Variants in ICA1 observed in about 807,000 individuals in gnomAD.
The protein encoded by ICA1 is islet cell autoantigen 1.
ICA1 carries 40 observed loss-of-function variants against 71.0 expected under a neutral mutation model. That is an observed-to-expected ratio of 0.56 (90% CI 0.44 to 0.73). The LOEUF (loss-of-function observed/expected upper bound fraction) is 0.73. ICA1 is among the 30% of genes least tolerant of loss of function. The pLI, the probability that ICA1 is intolerant of heterozygous loss-of-function variation, is 0.00. For missense variants in ICA1, 578 were observed against 576.5 expected (o/e 1.00, Z -0.03); for synonymous variants, 207 against 209.5 (o/e 0.99, Z 0.10).
At chr7:8,197,342 C>A (rs1787995255) in intron 6 of ICA1, among the ~76,000 whole-genome samples, 1 of 151,368 alleles carries the variant, frequency 6.6e-6, no homozygotes, top group Non-Finnish European at 1.5e-5. Context: ...ATCACAAGGT[C>A]AGGACTTCAA....
chr7:8,165,810 A>C (rs1184357319), intron 6 of ICA1, among the ~76,000 whole-genome samples: 1 of 152,230 alleles, frequency 6.6e-6, no homozygotes, highest in Non-Finnish European at 1.5e-5. Context: ...GAATACAGCT[A>C]TCCAGGAAGG....
chr7:8,143,812 C>T (rs1796006692), intron 9 of ICA1, 63 bp downstream of exon 9: 14 of 1,076,938 alleles, frequency 1.3e-5, no homozygotes, highest in East Asian at 2.4e-5. Flanking sequence ...GTTCGGTCAG[C>T]GAGAACCACA....
intron 6 of ICA1, among the ~76,000 whole-genome samples, chr7:8,172,686 A>T (rs1351504360): frequency 6.6e-6 from 1 of 152,240 alleles, no homozygotes; most frequent in East Asian, 1.9e-4. Context: ...TAAACCATCT[A>T]GAAGTGATCA....
At chr7:8,126,931 G>A (rs1207593391) in intron 13 of ICA1, among the ~76,000 whole-genome samples, 1 of 151,788 alleles carries the variant, frequency 6.6e-6, no homozygotes, top group Non-Finnish European at 1.5e-5. Context: ...GCCAGCACTT[G>A]GTTGGTGTAC....
intron 6 of ICA1, among the ~76,000 whole-genome samples, chr7:8,174,866 G>A (rs943378705): frequency 6.6e-6 from 1 of 151,858 alleles, no homozygotes; most frequent in East Asian, 1.9e-4. Context: ...TTCTACCATT[G>A]CGCTGAAGAG....
At chr7:8,242,250 G>C (rs1484204224) in intron 1 of ICA1, among the ~76,000 whole-genome samples, 2 of 152,116 alleles carry the variant, frequency 1.3e-5, no homozygotes, top group African/African-American at 2.4e-5. Context: ...TAGAATTCAG[G>C]ATTAAGAAAC....
At chr7:8,260,569 C>T (rs1456845716) in intron 1 of ICA1, among the ~76,000 whole-genome samples, 4 of 151,994 alleles carry the variant, frequency 2.6e-5, no homozygotes, top group African/African-American at 9.7e-5. Flanking sequence ...CAATTATTTC[C>T]CTTTGTAATA....
At chr7:8,256,145 T>C (rs1246722264) in intron 1 of ICA1, among the ~76,000 whole-genome samples, 3 of 152,196 alleles carry the variant, frequency 2.0e-5, no homozygotes, top group Non-Finnish European at 4.4e-5. Context: ...GAATGCATCT[T>C]ATCTTTTCTA....
chr7:8,116,759 C>T (rs976195115), intron 13 of ICA1, among the ~76,000 whole-genome samples: 2 of 152,314 alleles, frequency 1.3e-5, no homozygotes, highest in Non-Finnish European at 2.9e-5. Context: ...TCTCGACTTC[C>T]AATATGATCC....
intron 8 of ICA1, among the ~76,000 whole-genome samples, chr7:8,146,942 G>T (rs1436600518): frequency 2.7e-5 from 4 of 150,520 alleles, no homozygotes; most frequent in Non-Finnish European, 5.9e-5. Context: ...CCACAAAATG[G>T]TCCAACTCTG....
At chr7:8,214,760 G>A (rs968009479) in intron 6 of ICA1, among the ~76,000 whole-genome samples, 1 of 152,190 alleles carries the variant, frequency 6.6e-6, no homozygotes, top group Non-Finnish European at 1.5e-5. Flanking sequence ...TTAACTTCAG[G>A]TTTTTCATTC....
chr7:8,171,958 A>G (rs932727665), intron 6 of ICA1, among the ~76,000 whole-genome samples: 1 of 151,984 alleles, frequency 6.6e-6, no homozygotes, highest in Non-Finnish European at 1.5e-5. Context: ...ATTCTGTCAT[A>G]ACTAGATTAC....
In ICA1 at chr7:8,132,100, T is replaced by G. The variant is rs997476893; in HGVS notation, c.1061-3958A>C. Among the ~76,000 whole-genome samples the G allele has an allele frequency of 3.9e-5, 6 of 152,172 alleles. No homozygotes were observed. The highest frequency in any genetic ancestry group is 7.4e-5 in the Non-Finnish European group (5 of 68,024). ...GTGTTTACTTGCTTACCAGATAACC[T>G]AACTACAGACACTGCTGCAAAAATA... On this transcript the variant is annotated intron_variant, in intron 12 of 13. Transcript: ENST00000402384. The surrounding 1 kb of genome is among the most constrained non-coding windows in gnomAD (Gnocchi z 4.5).
At chr7:8,152,668 CCAT>C (rs1799501920) in intron 8 of ICA1, among the ~76,000 whole-genome samples, 1 of 146,968 alleles carries the variant, frequency 6.8e-6, no homozygotes, top group Non-Finnish European at 1.5e-5. Flanking sequence ...ACCACCACCA[CCAT>C]TATCTCCTTC....
intron 1 of ICA1, among the ~76,000 whole-genome samples, chr7:8,243,441 C>T (rs1457312332): frequency 6.6e-6 from 1 of 152,154 alleles, no homozygotes; most frequent in East Asian, 1.9e-4. Flanking sequence ...CTATTTATGA[C>T]AAACCCACAG....
At chr7:8,149,971 C>G (rs1026713364) in intron 8 of ICA1, among the ~76,000 whole-genome samples, 3 of 152,136 alleles carry the variant, frequency 2.0e-5, no homozygotes, top group African/African-American at 7.2e-5. Context: ...CGTACACTTA[C>G]AAATTTATAA....
rs1444947590 is a variant in ICA1, at chr7:8,165,575, A to G, written c.580-6923T>C. Among the ~76,000 whole-genome samples, 3 of 152,364 alleles carry G rather than the reference A, an allele frequency of 2.0e-5. No homozygotes were observed. The East Asian group carries it at 5.8e-4, about 29-fold the overall frequency. Reference sequence around the variant, plus strand: ...AAGGCACCCAAATAGGAAGAGAGGAAGTCAAGCTATCCCTGTTTGCAGATA... The same window carrying G: ...AAGGCACCCAAATAGGAAGAGAGGAGGTCAAGCTATCCCTGTTTGCAGATA... On this transcript the variant is annotated intron_variant, in intron 6 of 13. Coordinates refer to ENST00000402384, the MANE Select transcript of ICA1 (RefSeq NM_001136020.3).
chr7:8,147,003 G>T (rs1179941733), intron 8 of ICA1, among the ~76,000 whole-genome samples: 1 of 151,742 alleles, frequency 6.6e-6, no homozygotes, highest in African/African-American at 2.4e-5. Context: ...TGGCTCCCAA[G>T]ACTCACTTTT....
rs1208881569 is a variant in ICA1, at chr7:8,226,887, T to C, written c.256+1714A>G. ...TAATCTGAGGTGGTTTAGGGGGAAGTTTTTCCTCTATATTCTTTTAGAAAC... is the reference window on the plus strand; with the variant it reads ...TAATCTGAGGTGGTTTAGGGGGAAGCTTTTCCTCTATATTCTTTTAGAAAC... On this transcript the variant is annotated intron_variant, in intron 4 of 13. Coordinates refer to ENST00000402384, the MANE Select transcript of ICA1 (RefSeq NM_001136020.3). The surrounding 1 kb of genome is among the most constrained non-coding windows in gnomAD (Gnocchi z 4.4). 6.6e-6 allele frequency among the ~76,000 whole-genome samples: 1 copy of C among 152,254 alleles called. No homozygotes were observed. The highest frequency in any genetic ancestry group is 2.4e-5 in the African/African-American group (1 of 41,546).
Sources: gnomAD v4.1 joint callset for allele counts (sites outside exome capture counted in the v4.1 genomes callset) on GRCh38, gnomAD v4.1.1 for gene constraint, Gnocchi (gnomAD v3.1) non-coding constraint, MANE v1.5 for transcripts, NCBI Gene and HGNC (gene_info 2026-07-23, HGNC 2026-07-21) for gene names.